Variants in STK32A observed in about 807,000 individuals in gnomAD.
The protein encoded by STK32A is serine/threonine kinase 32A.
Under a neutral mutation model 53.2 loss-of-function variants are expected in STK32A, and 41 were observed. That is an observed-to-expected ratio of 0.77 (90% CI 0.60 to 1.00). The LOEUF (loss-of-function observed/expected upper bound fraction) is 1.00. Ranked by LOEUF, STK32A falls within the 50% of genes least tolerant of loss-of-function variation. The probability of loss-of-function intolerance (pLI) is 0.00; values close to 1 mark genes in which losing one functional copy is unlikely to be tolerated. For missense variants in STK32A, 458 were observed against 485.8 expected (o/e 0.94, Z 0.54); for synonymous variants, 166 against 162.8 (o/e 1.02, Z -0.15).
chr5:147,372,629 C>A (rs537025763), intron 9 of STK32A, among the ~76,000 whole-genome samples: 3 of 152,136 alleles, frequency 2.0e-5, no homozygotes, highest in Admixed American at 6.5e-5. Context: ...GGGCAAAAAT[C>A]TTTTATCTCA....
chr5:147,332,704 G>A (rs1240507953), intron 5 of STK32A, among the ~76,000 whole-genome samples: 8 of 152,228 alleles, frequency 5.3e-5, no homozygotes, highest in Non-Finnish European at 1.2e-4. Context: ...GGTAGCAGAA[G>A]GACCACTTGA....
intron 4 of STK32A, among the ~76,000 whole-genome samples, chr5:147,301,343 T>G (rs1180628756): frequency 2.6e-5 from 4 of 152,140 alleles, no homozygotes; most frequent in Admixed American, 6.6e-5. Context: ...AAAGGTAGCT[T>G]TTCAGGGTTA....
intron 7 of STK32A, among the ~76,000 whole-genome samples, chr5:147,361,157 T>C: frequency 6.6e-6 from 1 of 152,232 alleles, no homozygotes; most frequent in East Asian, 1.9e-4. Context: ...ATCCTTTAGT[T>C]GAAACCTTCC....
intron 4 of STK32A, among the ~76,000 whole-genome samples, chr5:147,308,954 T>C (rs1439133547): frequency 2.0e-5 from 3 of 150,146 alleles, no homozygotes; most frequent in Admixed American, 2.0e-4. Context: ...TCATACATTA[T>C]TTATGTATGT....
At chr5:147,392,253 T>G (rs1287592411), downstream of STK32A, 2 of 152,222 alleles carry the variant, frequency 1.3e-5, no homozygotes, top group Non-Finnish European at 2.9e-5. Context: ...AGCTTTAAAA[T>G]AGCAAGCTTC....
intron 9 of STK32A, among the ~76,000 whole-genome samples, chr5:147,372,944 T>C (rs113184545): frequency 3.5e-4 from 54 of 152,278 alleles, no homozygotes; most frequent in African/African-American, 1.2e-3. Flanking sequence ...ATCAAAGATA[T>C]ATTTGACTTA....
chr5:147,261,618 T>C (rs1754576138), intron 2 of STK32A, among the ~76,000 whole-genome samples: 1 of 152,144 alleles, frequency 6.6e-6, no homozygotes, highest in Non-Finnish European at 1.5e-5. Flanking sequence ...AGGCAAAGAA[T>C]TGAACATACT....
At chr5:147,321,511 T>A (rs901225723) in intron 4 of STK32A, among the ~76,000 whole-genome samples, 1 of 152,218 alleles carries the variant, frequency 6.6e-6, no homozygotes, top group Admixed American at 6.5e-5. Context: ...AAGGAAAGCA[T>A]GTTGCCTCTT....
chr5:147,379,954 C>A (rs922039428), intron 11 of STK32A, among the ~76,000 whole-genome samples: 1 of 152,004 alleles, frequency 6.6e-6, no homozygotes, highest in Non-Finnish European at 1.5e-5. Context: ...GTTGATGTAT[C>A]CATTTGGCCA....
At chr5:147,302,666 G>C (rs1488840565) in intron 4 of STK32A, among the ~76,000 whole-genome samples, 1 of 152,076 alleles carries the variant, frequency 6.6e-6, no homozygotes, top group Non-Finnish European at 1.5e-5. Context: ...GGGAGGTCTG[G>C]TCTCTTCTAG....
chr5:147,309,757 T>C (rs748154154), intron 4 of STK32A, among the ~76,000 whole-genome samples: 4 of 152,216 alleles, frequency 2.6e-5, no homozygotes, highest in Non-Finnish European at 5.9e-5. Flanking sequence ...TAATTTCATA[T>C]ATCTTCAACT....
At chr5:147,375,291 C>T (rs1757189737) in intron 11 of STK32A, 73 bp downstream of exon 11, 1 of 1,531,624 alleles carries the variant, frequency 6.5e-7, no homozygotes, top group African/African-American at 1.4e-5. Context: ...AGAGCTTCTA[C>T]TGGGAGGTCA....
At position 147,318,361 on chromosome 5, in the gene STK32A, C is replaced by T. The variant is rs1325467263; in HGVS notation, c.261-5537C>T. On this transcript the variant is annotated intron_variant, in intron 4 of 12. Coordinates refer to ENST00000397936, the MANE Select transcript of STK32A (RefSeq NM_001112724.2). ...TTACTATAATTTATTCCCATGCTCC[C>T]TTATCGATGGGCATGTAAATTGTGT... Among the ~76,000 whole-genome samples, 7 of 152,180 alleles carry T rather than the reference C, an allele frequency of 4.6e-5. No homozygotes were observed. The South Asian group carries it at 8.3e-4, about 18-fold the overall frequency.
At chr5:147,266,239 A>G (rs947348889) in intron 2 of STK32A, among the ~76,000 whole-genome samples, 1 of 152,188 alleles carries the variant, frequency 6.6e-6, no homozygotes, top group Non-Finnish European at 1.5e-5. Flanking sequence ...GATGGAGTCC[A>G]CAATCTCAGT....
intron 4 of STK32A, among the ~76,000 whole-genome samples, chr5:147,306,358 AGTTTTTT>A (rs1753408630): frequency 6.6e-6 from 1 of 152,008 alleles, no homozygotes; most frequent in East Asian, 1.9e-4. Flanking sequence ...TCTTTTTAAA[AGTTTTTT>A]AAAAACTTTT....
At chr5:147,285,705 T>C (rs1031407503) in intron 4 of STK32A, among the ~76,000 whole-genome samples, 4 of 152,048 alleles carry the variant, frequency 2.6e-5, no homozygotes, top group African/African-American at 9.7e-5. Context: ...ACATCACTAA[T>C]GATCAGGGAA....
intron 11 of STK32A, among the ~76,000 whole-genome samples, chr5:147,381,166 G>T (rs1757437281): frequency 6.6e-6 from 1 of 152,108 alleles, no homozygotes; most frequent in Non-Finnish European, 1.5e-5. Context: ...GAACAGTTCT[G>T]CCAGATAGAG....
intron 2 of STK32A, among the ~76,000 whole-genome samples, chr5:147,252,906 T>C (rs928175295): frequency 6.6e-6 from 1 of 152,212 alleles, no homozygotes; most frequent in African/African-American, 2.4e-5. Context: ...AGCACCTACT[T>C]TGTTGATTAA....
chr5:147,318,232 A>G (rs544201751), intron 4 of STK32A, among the ~76,000 whole-genome samples: 1 of 152,310 alleles, frequency 6.6e-6, no homozygotes, highest in Non-Finnish European at 1.5e-5. Flanking sequence ...AACGTTCCAT[A>G]TCAGAATATA....
Sources: allele counts gnomAD v4.1 joint callset (sites outside exome capture counted in the v4.1 genomes callset), GRCh38; gene constraint gnomAD v4.1.1; transcripts MANE v1.5; gene names NCBI Gene and HGNC (gene_info 2026-07-23, HGNC 2026-07-21).